The following RNLS variants were observed in gnomAD, a reference collection of about 807,000 sequenced individuals.
RNLS encodes the protein renalase, FAD dependent amine oxidase.
A neutral mutation model predicts 39.8 loss-of-function variants in RNLS; 39 were observed. The ratio of observed to expected loss-of-function variants is 0.98; its 90% confidence interval spans 0.76 to 1.28. The LOEUF (loss-of-function observed/expected upper bound fraction) is 1.28, where lower values mean the gene tolerates loss of function less well. RNLS is among the 50% of genes most tolerant of loss of function. The probability of loss-of-function intolerance (pLI) is 0.00; values close to 1 mark genes in which losing one functional copy is unlikely to be tolerated. For missense variants in RNLS, 410 were observed against 413.3 expected, an observed-to-expected ratio of 0.99 and a Z score of 0.07; for synonymous variants, 147 against 150.7, an observed-to-expected ratio of 0.98 and a Z score of 0.18.
chr10:88,506,180 T>C (rs553337719), intron 4 of RNLS, among the ~76,000 whole-genome samples: 9 of 152,166 alleles, frequency 5.9e-5, no homozygotes, highest in African/African-American at 2.2e-4. Flanking sequence ...AAAAGTCAAG[T>C]TCACAAAGAA....
At chr10:88,264,975 T>C in the RNLS span, among the ~76,000 whole-genome samples, 297 of 152,326 alleles carry the variant, frequency 1.9e-3, 2 homozygotes, top group African/African-American at 6.7e-3. Flanking sequence ...TCAGGTCTTC[T>C]GTTTAAGTCT....
chr10:88,287,012 C>T (rs1843321465), intron 6 of RNLS, among the ~76,000 whole-genome samples: 1 of 152,006 alleles, frequency 6.6e-6, no homozygotes, highest in Admixed American at 6.6e-5. Context: ...TGGTCTTGAA[C>T]TCCTGGCCTC....
At chr10:88,317,314 G>T (rs1845836213) in intron 5 of RNLS, among the ~76,000 whole-genome samples, 1 of 152,124 alleles carries the variant, frequency 6.6e-6, no homozygotes, top group African/African-American at 2.4e-5. Flanking sequence ...GACCTTACAA[G>T]GCTGCCATGA....
intron 4 of RNLS, among the ~76,000 whole-genome samples, chr10:88,507,653 C>A (rs188704969): frequency 1.3e-5 from 2 of 152,136 alleles, no homozygotes; most frequent in Non-Finnish European, 2.9e-5. Flanking sequence ...AGGATTACCA[C>A]TATCAGGTTT....
chr10:88,200,716 G>A, the RNLS span, among the ~76,000 whole-genome samples: 2 of 152,150 alleles, frequency 1.3e-5, no homozygotes, highest in African/African-American at 4.8e-5. Flanking sequence ...GAACTAAAGG[G>A]ACATTTGTTG....
chr10:88,576,992 C>G (rs1850249103), intron 3 of RNLS, among the ~76,000 whole-genome samples: 1 of 152,140 alleles, frequency 6.6e-6, no homozygotes, highest in African/African-American at 2.4e-5. Context: ...GTCCTGGAAG[C>G]TAAATTCATC....
chr10:88,387,609 G>C (rs1219525768), intron 4 of RNLS, among the ~76,000 whole-genome samples: 2 of 151,214 alleles, frequency 1.3e-5, no homozygotes, highest in African/African-American at 4.9e-5. Flanking sequence ...AGTTTACAAA[G>C]TGCTTTTACA....
intron 4 of RNLS, among the ~76,000 whole-genome samples, chr10:88,500,485 C>G (rs866937678): frequency 2.0e-5 from 3 of 152,088 alleles, no homozygotes; most frequent in Non-Finnish European, 4.4e-5. Flanking sequence ...GGGTTGTGAA[C>G]GTTTCTCTAA....
At position 88,286,701 on chromosome 10, in the gene RNLS, G is replaced by GA. The variant is rs373006040; in HGVS notation, c.877-1196dup. Among the ~76,000 whole-genome samples the GA allele has an allele frequency of 3.4e-4, 51 of 149,398 alleles. No homozygotes were observed. The South Asian group carries it at 6.7e-3, about 20-fold the overall frequency. ...GAGGATTTACTCATTTAAAAATCAG[G>GA]AAAAAAAAATCAAGAAATGTAATAA... is the stretch of plus-strand genomic sequence containing the variant. On this transcript the variant is annotated intron_variant, in intron 6 of 6. Coordinates refer to ENST00000331772, the MANE Select transcript of RNLS (RefSeq NM_001031709.3).
chr10:88,367,023 ATGT>A (rs768501166), intron 4 of RNLS, among the ~76,000 whole-genome samples: 2 of 152,062 alleles, frequency 1.3e-5, no homozygotes, highest in Admixed American at 6.6e-5. Flanking sequence ...ATTTGTTGAA[ATGT>A]TGTCATTTCA....
intron 3 of RNLS, among the ~76,000 whole-genome samples, chr10:88,577,560 G>A (rs1361859416): frequency 2.0e-5 from 3 of 152,120 alleles, no homozygotes; most frequent in African/African-American, 7.2e-5. Flanking sequence ...GGTAGTATTA[G>A]ATAAATAGTC....
chr10:88,431,895 A>G (rs1855151582), intron 4 of RNLS, among the ~76,000 whole-genome samples: 1 of 151,760 alleles, frequency 6.6e-6, no homozygotes, highest in African/African-American at 2.4e-5. Flanking sequence ...TATTGTCTAT[A>G]ATGGTAAATT....
At chr10:88,360,411 G>T (rs922261164) in intron 5 of RNLS, among the ~76,000 whole-genome samples, 7 of 152,038 alleles carry the variant, frequency 4.6e-5, no homozygotes, top group African/African-American at 1.7e-4. Context: ...CTTCTGTAAA[G>T]ATTTCCTTGA....
chr10:88,237,282 C>T, the RNLS span, among the ~76,000 whole-genome samples: 1 of 109,566 alleles, frequency 9.1e-6, no homozygotes, highest in Middle Eastern at 9.6e-3. Flanking sequence ...TTTCTTTCAT[C>T]CTTTTCCTTC....
At chr10:88,432,022 G>C (rs944419184) in intron 4 of RNLS, among the ~76,000 whole-genome samples, 7 of 151,614 alleles carry the variant, frequency 4.6e-5, no homozygotes, top group Admixed American at 4.6e-4. Context: ...ATATCTTCTT[G>C]TTCTATAAAT....
At chr10:88,225,350 G>A in the RNLS span, among the ~76,000 whole-genome samples, 2 of 152,200 alleles carry the variant, frequency 1.3e-5, no homozygotes, top group East Asian at 3.8e-4. Context: ...GCAAATGGAA[G>A]AAATTAAAGT....
At chr10:88,182,123 T>C in the RNLS span, among the ~76,000 whole-genome samples, 1 of 152,164 alleles carries the variant, frequency 6.6e-6, no homozygotes, top group African/African-American at 2.4e-5. Context: ...TCTCTCCATA[T>C]ACATTAGAGT....
At chr10:88,314,220 G>A (rs933827993) in intron 6 of RNLS, among the ~76,000 whole-genome samples, 1 of 152,178 alleles carries the variant, frequency 6.6e-6, no homozygotes, top group Non-Finnish European at 1.5e-5. Context: ...ATCAAGGTTT[G>A]TAAGTCTTGA....
chr10:88,304,136 C>T (rs918980122), intron 6 of RNLS, among the ~76,000 whole-genome samples: 1 of 152,186 alleles, frequency 6.6e-6, no homozygotes, highest in Non-Finnish European at 1.5e-5. Flanking sequence ...GTTTAATCAA[C>T]CTTATGCCAC....
Sources: gnomAD v4.1 joint callset for allele counts (sites outside exome capture counted in the v4.1 genomes callset) on GRCh38, gnomAD v4.1.1 for gene constraint, MANE v1.5 for transcripts, NCBI Gene and HGNC (gene_info 2026-07-23, HGNC 2026-07-21) for gene names.